The following ST3GAL6 variants were observed in gnomAD, a reference collection of about 807,000 sequenced individuals.
The protein encoded by ST3GAL6 is ST3 beta-galactoside alpha-2,3-sialyltransferase 6, also known as type 2 lactosamine alpha-2,3-sialyltransferase.
A neutral mutation model predicts 40.5 loss-of-function variants in ST3GAL6; 31 were observed. The observed-to-expected ratio is 0.77, with a 90% CI of 0.58 to 1.03. ST3GAL6 has a LOEUF of 1.03. ST3GAL6 is among the 50% of genes least tolerant of loss of function. ST3GAL6 has a pLI of 0.00. For missense variants in ST3GAL6, 357 were observed against 393.2 expected (o/e 0.91, Z 0.78); for synonymous variants, 129 against 136.9 (o/e 0.94, Z 0.40).
upstream of ST3GAL6, among the ~76,000 whole-genome samples, chr3:98,760,146 C>G (rs954032343): frequency 6.6e-6 from 1 of 152,144 alleles, no homozygotes; most frequent in African/African-American, 2.4e-5. Flanking sequence ...TAGCATAAAA[C>G]TTAGAATGAG....
intron 1 of ST3GAL6, among the ~76,000 whole-genome samples, chr3:98,743,050 C>T (rs1403833315): frequency 6.8e-6 from 1 of 148,144 alleles, no homozygotes; most frequent in African/African-American, 2.5e-5. Context: ...GCTCTGTCGC[C>T]CAGGCTGGAA....
chr3:98,764,784 G>A (rs1275389706), intron 1 of ST3GAL6, among the ~76,000 whole-genome samples: 1 of 152,138 alleles, frequency 6.6e-6, no homozygotes, highest in African/African-American at 2.4e-5. Context: ...ATGTCATGAG[G>A]TAATACACCA....
At position 98,788,162 on chromosome 3, in the gene ST3GAL6, C is replaced by T. The variant is rs773796801; in HGVS notation, c.558C>T (p.Leu186=). The T allele has an allele frequency of 6.2e-6, 10 of 1,613,754 alleles. No homozygotes were observed. In the South Asian group the frequency reaches 7.7e-5, roughly 12 times the overall value. ...ATGACCCTAATACGACAGTGATTCT[C>T]ACTGCTTTTAAGCCACATGATTTAA... The part of the protein sequence containing the change: ...IHNDPNTTVI[L]TAFKPHDLRW... Residue 186 remains leucine, a synonymous_variant, in exon 7 of 10, where the codon CTC becomes CTT. Transcript: ENST00000483910.
At chr3:98,741,051 AGTGTGTGTGTGTGTGTGT>A (rs35649214) in intron 1 of ST3GAL6, among the ~76,000 whole-genome samples, 2 of 145,120 alleles carry the variant, frequency 1.4e-5, no homozygotes, top group African/African-American at 5.3e-5. Context: ...AGAGGGATTC[AGTGTGTGTGTGTGTGTGT>A]GTGTGTGTGT....
chr3:98,739,777 T>G (rs1368178476), intron 1 of ST3GAL6, among the ~76,000 whole-genome samples: 3 of 152,226 alleles, frequency 2.0e-5, no homozygotes, highest in Non-Finnish European at 4.4e-5. Flanking sequence ...GATAACTCAT[T>G]GCATTTAAAA....
chr3:98,747,183 T>C (rs1936623858), intron 1 of ST3GAL6, among the ~76,000 whole-genome samples: 1 of 152,224 alleles, frequency 6.6e-6, no homozygotes, highest in Non-Finnish European at 1.5e-5. Context: ...TTCAATGCGC[T>C]CATTTTTTCA....
At chr3:98,752,253 T>C (rs959837895) in intron 1 of ST3GAL6, among the ~76,000 whole-genome samples, 1 of 152,120 alleles carries the variant, frequency 6.6e-6, no homozygotes, top group Admixed American at 6.6e-5. Context: ...TTCATAGATA[T>C]TGTGCTTTTT....
intron 1 of ST3GAL6, among the ~76,000 whole-genome samples, chr3:98,740,426 T>G (rs746594938): frequency 2.6e-5 from 4 of 152,190 alleles, no homozygotes; most frequent in Non-Finnish European, 5.9e-5. Flanking sequence ...CTTATGTTGC[T>G]AACTTTCTTT....
intron 1 of ST3GAL6, among the ~76,000 whole-genome samples, chr3:98,746,781 T>C (rs1368466762): frequency 6.6e-6 from 1 of 152,216 alleles, no homozygotes; most frequent in Non-Finnish European, 1.5e-5. Flanking sequence ...GGGGCACATG[T>C]TATAGTTTGA....
Position 98,793,662 on chromosome 3 carries a change from TTTTC to T in ST3GAL6, c.910-10_910-7del, listed in dbSNP as rs1452038644. 1 of 1,551,990 alleles carries T rather than the reference TTTTC, an allele frequency of 6.4e-7. No individual in the cohort carries two copies. Among genetic ancestry groups the T allele is most frequent in the Non-Finnish European group, 8.7e-7 (1 of 1,145,068 alleles). On this transcript the variant is annotated splice_polypyrimidine_tract_variant and intron_variant, in intron 9 of 9. Coordinates refer to ENST00000483910, the MANE Select transcript of ST3GAL6 (RefSeq NM_001323368.2). ...TGGGAAAGAATGATGGTAATTGTAT[TTTTC>T]TTCTTTAGAACGCGTATCACAATGT...
chr3:98,768,047 TGA>T (rs1938550455), intron 1 of ST3GAL6, among the ~76,000 whole-genome samples: 1 of 152,202 alleles, frequency 6.6e-6, no homozygotes, highest in South Asian at 2.1e-4. Context: ...CACTTTCTAC[TGA>T]GAGAGAAAAT....
chr3:98,739,499 A>G (rs902774715), intron 1 of ST3GAL6, among the ~76,000 whole-genome samples: 3 of 152,196 alleles, frequency 2.0e-5, no homozygotes, highest in African/African-American at 4.8e-5. Flanking sequence ...TTTTAGTCTT[A>G]AGAGGTATCA....
chr3:98,776,803 G>A (rs1278716505), intron 5 of ST3GAL6, among the ~76,000 whole-genome samples: 1 of 152,160 alleles, frequency 6.6e-6, no homozygotes, highest in Non-Finnish European at 1.5e-5. Context: ...TGGTGCTGTT[G>A]TTTCAAATCT....
At chr3:98,749,183 A>G (rs1417812332) in intron 1 of ST3GAL6, among the ~76,000 whole-genome samples, 2 of 152,344 alleles carry the variant, frequency 1.3e-5, no homozygotes, top group African/African-American at 4.8e-5. Flanking sequence ...ATTTAGCAAG[A>G]AATGATTTTG....
chr3:98,733,101 G>T, intron 1 of ST3GAL6: 1 of 1,346,084 alleles, frequency 7.4e-7, no homozygotes, highest in Non-Finnish European at 9.5e-7. Flanking sequence ...CGGCTTTGCA[G>T]CCTCTGAGGC....
In ST3GAL6 at chr3:98,744,753, G is replaced by GA. The variant is rs11300353; in HGVS notation, c.-12+12232dup. 3.3e-3 allele frequency among the ~76,000 whole-genome samples: 491 copies of GA among 146,706 alleles called. 3 individuals are homozygous for GA. Among genetic ancestry groups the GA allele is most frequent in the African/African-American group, 0.01 (409 of 40,712 alleles). On this transcript the variant is annotated intron_variant, in intron 1 of 9. Coordinates refer to the ST3GAL6 transcript ENST00000265261. Reference sequence around the variant, plus strand: ...TTGGCCCCAAAAATATCTTTGATAGGAAAAAAAAAAATCAGCTCACTTTAT... The same window carrying GA: ...TTGGCCCCAAAAATATCTTTGATAGGAAAAAAAAAAAATCAGCTCACTTTAT...
intron 1 of ST3GAL6, among the ~76,000 whole-genome samples, chr3:98,736,260 C>A (rs1398576968): frequency 6.6e-6 from 1 of 152,168 alleles, no homozygotes; most frequent in Non-Finnish European, 1.5e-5. Flanking sequence ...ATCTTCTCCC[C>A]CATTCTCTCT....
At chr3:98,743,417 G>T (rs1164649197) in intron 1 of ST3GAL6, among the ~76,000 whole-genome samples, 2 of 151,992 alleles carry the variant, frequency 1.3e-5, no homozygotes, top group Non-Finnish European at 2.9e-5. Flanking sequence ...GACAACTCAA[G>T]TGTCTGAACC....
At chr3:98,756,394 AC>A in intron 1 of ST3GAL6, 1 of 1,289,774 alleles carries the variant, frequency 7.8e-7, no homozygotes, top group South Asian at 1.2e-5. Context: ...AAGCAGCACA[AC>A]CCTGGGTTTT....
Sources: allele counts gnomAD v4.1 joint callset (sites outside exome capture counted in the v4.1 genomes callset), GRCh38; gene constraint gnomAD v4.1.1; transcripts MANE v1.5; gene names NCBI Gene and HGNC (gene_info 2026-07-23, HGNC 2026-07-21).